SLC28A3: variants seen among roughly 807,000 people sequenced by gnomAD.
SLC28A3 encodes concentrative Na(+)-nucleoside cotransporter 3.
SLC28A3 carries 68 observed loss-of-function variants against 84.2 expected under a neutral mutation model. That is an observed-to-expected ratio of 0.81 (90% CI 0.66 to 0.99). SLC28A3 has a LOEUF of 0.99. SLC28A3 is among the 50% of genes least tolerant of loss of function. SLC28A3 has a pLI of 0.00. For synonymous variants in SLC28A3, 267 were observed against 303.6 expected, an observed-to-expected ratio of 0.88 and a Z score of 1.25; for missense variants, 712 against 841.5, an observed-to-expected ratio of 0.85 and a Z score of 1.90.
At chr9:84,278,861 C>T (rs962378297) in intron 17 of SLC28A3, among the ~76,000 whole-genome samples, 1 of 148,752 alleles carries the variant, frequency 6.7e-6, no homozygotes, top group Non-Finnish European at 1.5e-5. Context: ...CTTCCCTAAG[C>T]CTTAATTTTG....
chr9:84,325,050 C>T (rs1309464053), intron 1 of SLC28A3, among the ~76,000 whole-genome samples: 2 of 152,182 alleles, frequency 1.3e-5, no homozygotes, highest in African/African-American at 4.8e-5. Flanking sequence ...TAGTTTTAAG[C>T]TTAACTTATC....
intron 1 of SLC28A3, among the ~76,000 whole-genome samples, chr9:84,326,456 A>G (rs935230686): frequency 1.3e-5 from 2 of 152,206 alleles, no homozygotes; most frequent in Non-Finnish European, 2.9e-5. Context: ...CTGAAGTAAG[A>G]GCATTTTTCT....
intron 1 of SLC28A3, 76 bp from the exon 2 acceptor site, chr9:84,313,530 G>C: frequency 9.0e-7 from 1 of 1,112,192 alleles, no homozygotes; most frequent in Non-Finnish European, 1.3e-6. Flanking sequence ...AAAATACCTA[G>C]AGGAATTTGG....
At chr9:84,305,465 G>T in intron 3 of SLC28A3, 120 bp from the exon 4 acceptor site, 1 of 784,118 alleles carries the variant, frequency 1.3e-6, no homozygotes, top group Non-Finnish European at 2.1e-6. Flanking sequence ...TGTGTGAGGC[G>T]TATGTCTTAC....
At chr9:84,341,650 A>G (rs896946218), upstream of SLC28A3, among the ~76,000 whole-genome samples, 2 of 152,206 alleles carry the variant, frequency 1.3e-5, no homozygotes, top group African/African-American at 4.8e-5. Flanking sequence ...TCCAGCTTAC[A>G]GAAATGCCGA....
intron 3 of SLC28A3, among the ~76,000 whole-genome samples, chr9:84,307,585 C>G (rs1022199766): frequency 6.6e-6 from 1 of 152,204 alleles, no homozygotes; most frequent in Non-Finnish European, 1.5e-5. Context: ...GAGTTAGAAA[C>G]AGTGCTCTCT....
chr9:84,292,497 G>C (rs112104732), intron 10 of SLC28A3, 171 bp downstream of exon 10: 48 of 481,982 alleles, frequency 1.0e-4, no homozygotes, highest in South Asian at 4.1e-4. Context: ...CTCTCTCTCT[G>C]TCTCTCTCTC....
intron 1 of SLC28A3, among the ~76,000 whole-genome samples, chr9:84,330,738 T>C (rs747668564): frequency 1.3e-5 from 2 of 152,230 alleles, no homozygotes; most frequent in African/African-American, 2.4e-5. Context: ...ATGCACTGGA[T>C]GTTCAAAGAC....
chr9:84,368,319 C>T, the SLC28A3 span, among the ~76,000 whole-genome samples: 19 of 152,168 alleles, frequency 1.2e-4, no homozygotes, highest in Non-Finnish European at 2.6e-4. Flanking sequence ...GCTAAAGTTA[C>T]AGGTTAACAG....
intron 6 of SLC28A3, among the ~76,000 whole-genome samples, chr9:84,299,379 T>C (rs112356414): frequency 4.3e-4 from 65 of 152,046 alleles, no homozygotes; most frequent in African/African-American, 1.5e-3. Context: ...AACTGGAAAA[T>C]TACTGAGAAT....
chr9:84,335,745 A>C (rs1356722775), intron 1 of SLC28A3, among the ~76,000 whole-genome samples: 1 of 135,044 alleles, frequency 7.4e-6, no homozygotes, highest in South Asian at 2.3e-4. Flanking sequence ...GTGTGTGTGT[A>C]TAAAATGTCC....
intron 14 of SLC28A3, among the ~76,000 whole-genome samples, chr9:84,282,150 TAATAAA>T (rs1240339349): frequency 1.3e-5 from 2 of 152,054 alleles, no homozygotes; most frequent in African/African-American, 4.8e-5. Flanking sequence ...TCAAAAATAA[TAATAAA>T]AATAAAAGAA....
At chr9:84,359,403 T>C in the SLC28A3 span, among the ~76,000 whole-genome samples, 1 of 152,108 alleles carries the variant, frequency 6.6e-6, no homozygotes, top group Non-Finnish European at 1.5e-5. Flanking sequence ...AAGAAAAACA[T>C]TAGAATAGCT....
At chr9:84,324,209 T>G (rs1826474261) in intron 1 of SLC28A3, among the ~76,000 whole-genome samples, 1 of 152,206 alleles carries the variant, frequency 6.6e-6, no homozygotes, top group East Asian at 1.9e-4. Flanking sequence ...GTCAGATCCT[T>G]GATTAAGCAA....
intron 1 of SLC28A3, among the ~76,000 whole-genome samples, chr9:84,323,570 G>C (rs1262626139): frequency 1.3e-5 from 2 of 151,882 alleles, no homozygotes; most frequent in East Asian, 3.9e-4. Flanking sequence ...GAGTACAGGC[G>C]TGTGCCACTG....
At chr9:84,345,547 TCTC>T (rs1442481306), upstream of SLC28A3, among the ~76,000 whole-genome samples, 1 of 152,142 alleles carries the variant, frequency 6.6e-6, no homozygotes, top group African/African-American at 2.4e-5. Context: ...TGTGTTTTCT[TCTC>T]CTTGGCTGCA....
chr9:84,358,320 A>G, the SLC28A3 span, among the ~76,000 whole-genome samples: 1 of 152,128 alleles, frequency 6.6e-6, no homozygotes. Flanking sequence ...AACTGCTTGC[A>G]AACAGCATGC....
chr9:84,339,492 A>AT (rs1827087344), intron 1 of SLC28A3, among the ~76,000 whole-genome samples: 1 of 152,102 alleles, frequency 6.6e-6, no homozygotes, highest in Non-Finnish European at 1.5e-5. Flanking sequence ...TCAAATGATC[A>AT]GCCCGCCTCA....
chr9:84,363,931 T>A, the SLC28A3 span, among the ~76,000 whole-genome samples: 1 of 152,110 alleles, frequency 6.6e-6, no homozygotes, highest in Non-Finnish European at 1.5e-5. Context: ...ATTTTTAAAA[T>A]TATCTTTTTT....
Sources: allele counts gnomAD v4.1 joint callset (sites outside exome capture counted in the v4.1 genomes callset), GRCh38; gene constraint gnomAD v4.1.1; transcripts MANE v1.5; gene names NCBI Gene and HGNC (gene_info 2026-07-23, HGNC 2026-07-21).